The following CDH17 variants were observed in gnomAD, a reference collection of about 807,000 sequenced individuals.
CDH17 encodes the protein cadherin-17.
In CDH17, 67 loss-of-function variants were observed where a neutral mutation model predicts 86.3. The ratio of observed to expected loss-of-function variants is 0.78; its 90% confidence interval spans 0.64 to 0.95. The LOEUF is 0.95. Among genes scored for constraint, CDH17 ranks in the 40% least tolerant of loss-of-function variants. The pLI is 0.00. For synonymous variants in CDH17, 367 were observed against 366.4 expected (o/e 1.00, Z -0.02); for missense variants, 993 against 1,017.6 (o/e 0.98, Z 0.33).
At chr8:94,213,393 A>G (rs951673553), upstream of CDH17, among the ~76,000 whole-genome samples, 2 of 152,206 alleles carry the variant, frequency 1.3e-5, no homozygotes, top group African/African-American at 4.8e-5. Flanking sequence ...AATTGAGATT[A>G]ATTACCCCAC....
chr8:94,192,664 C>A (rs1347501739), intron 2 of CDH17, among the ~76,000 whole-genome samples: 1 of 152,140 alleles, frequency 6.6e-6, no homozygotes, highest in Non-Finnish European at 1.5e-5. Flanking sequence ...GAGCTCAGTG[C>A]AGTGATTATG....
chr8:94,153,826 T>A (rs1487770488), intron 12 of CDH17, among the ~76,000 whole-genome samples: 1 of 152,128 alleles, frequency 6.6e-6, no homozygotes, highest in Non-Finnish European at 1.5e-5. Flanking sequence ...ATGTTCTCAC[T>A]TGTATGTGGA....
chr8:94,189,087 T>A (rs775069180), intron 3 of CDH17, 100 bp downstream of exon 3: 56 of 817,020 alleles, frequency 6.9e-5, no homozygotes, highest in Non-Finnish European at 1.1e-4. Context: ...GAGAATGCCA[T>A]GCCTTTATTT....
intron 12 of CDH17, among the ~76,000 whole-genome samples, chr8:94,156,515 C>T (rs915261870): frequency 2.0e-5 from 3 of 152,154 alleles, no homozygotes; most frequent in Non-Finnish European, 4.4e-5. Flanking sequence ...GCATGATAAC[C>T]AAGCACACGA....
intron 15 of CDH17, among the ~76,000 whole-genome samples, chr8:94,145,383 T>G (rs2130590676): frequency 6.6e-6 from 1 of 152,284 alleles, no homozygotes; most frequent in Middle Eastern, 3.4e-3. Flanking sequence ...AAAATATACA[T>G]ACTATACTAT....
At chr8:94,187,127 A>G (rs1285685498) in intron 3 of CDH17, among the ~76,000 whole-genome samples, 1 of 152,230 alleles carries the variant, frequency 6.6e-6, no homozygotes, top group Non-Finnish European at 1.5e-5. Context: ...AAGTGTTCTC[A>G]CCACAAAAAA....
chr8:94,171,969 C>T (rs144182948), intron 7 of CDH17, among the ~76,000 whole-genome samples: 3,589 of 54,796 alleles, frequency 0.065, 84 homozygotes, highest in South Asian at 0.095. Context: ...CTTCCCATCT[C>T]CCCCTCCCCC....
Position 94,146,097 on chromosome 8 carries a change from C to A in CDH17, c.1998G>T (p.Arg666Ser). 6.2e-7 allele frequency: 1 copy of A among 1,612,292 alleles called. No homozygotes were observed. Among genetic ancestry groups the A allele is most frequent in the East Asian group, 2.2e-5 (1 of 44,778 alleles). The change falls in exon 15 of 18, where the codon AGG becomes AGT. Residue 666 changes from arginine (R) to serine (S), a missense_variant. Transcript: ENST00000027335. ...ACAAGCCCGTGTAGTCCTTGGCTAG[C>A]CTGGGAGGGTTGTCATTCACATCCA... is the stretch of plus-strand genomic sequence containing the variant. Reference protein sequence around the residue: ...ILMDVNDNPPRLAKDYTGLFF... With the variant: ...ILMDVNDNPPSLAKDYTGLFF...
At chr8:94,167,249 C>T (rs763623592) in intron 9 of CDH17, among the ~76,000 whole-genome samples, 3 of 152,126 alleles carry the variant, frequency 2.0e-5, no homozygotes, top group Non-Finnish European at 2.9e-5. Context: ...CGGTTCTGCA[C>T]CCAGCTCTGG....
chr8:94,127,987 G>A lies in CDH17; in HGVS notation c.*253C>T. Reference sequence around the variant, plus strand: ...GGGTGCCTGTAAACCCAGCTACTTAGGAAGCTGAGGCAGGAGAATCATGTG... The same window carrying A: ...GGGTGCCTGTAAACCCAGCTACTTAAGAAGCTGAGGCAGGAGAATCATGTG... On this transcript the variant is annotated 3_prime_UTR_variant, in exon 18 of 18. Coordinates refer to ENST00000027335, the MANE Select transcript of CDH17 (RefSeq NM_004063.4). The A allele has an allele frequency of 2.9e-6, 1 of 339,686 alleles. No homozygotes were observed. The highest frequency in any genetic ancestry group is 5.4e-6 in the Non-Finnish European group (1 of 185,772). The allele number at this position is 339,686 out of a possible 1,614,324, so 21.0% of individuals were successfully genotyped here.
chr8:94,166,041 C>A, intron 9 of CDH17, 65 bp from the exon 10 acceptor site: 1 of 959,192 alleles, frequency 1.0e-6, no homozygotes, highest in Non-Finnish European at 1.6e-6. Flanking sequence ...AAAATAGTTT[C>A]ACTAAAATAA....
intron 3 of CDH17, among the ~76,000 whole-genome samples, chr8:94,179,570 G>C (rs573518493): frequency 2.6e-5 from 4 of 152,206 alleles, no homozygotes; most frequent in Non-Finnish European, 5.9e-5. Flanking sequence ...TGGCTGACTT[G>C]GAGGCTCTGC....
At chr8:94,192,313 G>A (rs771322872) in intron 2 of CDH17, among the ~76,000 whole-genome samples, 2 of 152,214 alleles carry the variant, frequency 1.3e-5, no homozygotes, top group Non-Finnish European at 2.9e-5. Context: ...CAAGATGGCG[G>A]CTTTATGCAG....
At chr8:94,194,089 G>A (rs534641912) in intron 2 of CDH17, among the ~76,000 whole-genome samples, 23 of 152,224 alleles carry the variant, frequency 1.5e-4, no homozygotes, top group African/African-American at 4.3e-4. Flanking sequence ...TCAAGGGTGA[G>A]GACTCCCCAG....
chr8:94,188,980 T>C (rs34111181), intron 3 of CDH17, among the ~76,000 whole-genome samples: 5,041 of 152,242 alleles, frequency 0.033, 141 homozygotes, highest in Middle Eastern at 0.054. Flanking sequence ...CCAGAGATGA[T>C]TGAGGAAGTC....
chr8:94,129,509 G>C (rs1013239412), intron 17 of CDH17, among the ~76,000 whole-genome samples: 3 of 134,440 alleles, frequency 2.2e-5, no homozygotes, highest in Non-Finnish European at 3.4e-5. Context: ...GATCATGGGA[G>C]AAAAGATCAG....
intron 17 of CDH17, among the ~76,000 whole-genome samples, chr8:94,128,793 C>G (rs570873507): frequency 6.6e-6 from 1 of 152,314 alleles, no homozygotes; most frequent in African/African-American, 2.4e-5. Flanking sequence ...CTCCCTGAAG[C>G]TGATTTTCAT....
chr8:94,154,133 C>T (rs1812906620), intron 12 of CDH17, among the ~76,000 whole-genome samples: 1 of 152,152 alleles, frequency 6.6e-6, no homozygotes, highest in African/African-American at 2.4e-5. Flanking sequence ...ATGTTGTCCT[C>T]CTATACAATT....
At chr8:94,171,043 A>C in intron 7 of CDH17, 58 bp from the exon 8 acceptor site, 1 of 1,519,570 alleles carries the variant, frequency 6.6e-7, no homozygotes, top group Non-Finnish European at 8.9e-7. Flanking sequence ...AGAACTGGAA[A>C]GGAAATAATT....
Sources: allele counts gnomAD v4.1 joint callset (sites outside exome capture counted in the v4.1 genomes callset), GRCh38; gene constraint gnomAD v4.1.1; transcripts MANE v1.5; gene names NCBI Gene and HGNC (gene_info 2026-07-23, HGNC 2026-07-21).